The following CAP2 variants were observed in gnomAD, a reference collection of about 807,000 sequenced individuals.
The protein encoded by CAP2 is adenylyl cyclase-associated protein 2.
CAP2 carries 24 observed loss-of-function variants against 57.7 expected under a neutral mutation model. The observed-to-expected ratio is 0.42, with a 90% CI of 0.30 to 0.58. The LOEUF (loss-of-function observed/expected upper bound fraction) is 0.58, where lower values mean the gene tolerates loss of function less well. Ranked by LOEUF, CAP2 falls within the 20% of genes least tolerant of loss-of-function variation. CAP2 has a pLI of 0.22. For missense variants in CAP2, 501 were observed against 590.3 expected, an observed-to-expected ratio of 0.85 and a Z score of 1.57; for synonymous variants, 194 against 207.2, an observed-to-expected ratio of 0.94 and a Z score of 0.55.
rs949481891 is a variant in CAP2, at chr6:17,414,100, T to C, written c.-1-7455T>C. On this transcript the variant is annotated intron_variant, in intron 1 of 12. Transcript: ENST00000229922. ...AACAATCTAGGACAGTCTGATTTGATGGTAGTTTACCAAATATTTTAAATT... is the reference window on the plus strand; with the variant it reads ...AACAATCTAGGACAGTCTGATTTGACGGTAGTTTACCAAATATTTTAAATT... 3.9e-5 allele frequency among the ~76,000 whole-genome samples: 6 copies of C among 151,998 alleles called. No individual in the cohort carries two copies. In the South Asian group the frequency reaches 8.3e-4, roughly 21 times the overall value.
At chr6:17,509,716 G>A (rs941377285) in intron 6 of CAP2, among the ~76,000 whole-genome samples, 1 of 151,410 alleles carries the variant, frequency 6.6e-6, no homozygotes, top group Admixed American at 6.6e-5. Context: ...ACTCCTAGGT[G>A]TATTTCCAAA....
intron 1 of CAP2, among the ~76,000 whole-genome samples, chr6:17,399,363 T>C (rs1311910953): frequency 2.0e-5 from 3 of 152,142 alleles, no homozygotes; most frequent in Non-Finnish European, 4.4e-5. Context: ...ACGCCCGGCC[T>C]ACATGAGCTT....
At chr6:17,459,184 G>A (rs1760659726) in intron 3 of CAP2, among the ~76,000 whole-genome samples, 1 of 152,206 alleles carries the variant, frequency 6.6e-6, no homozygotes, top group Admixed American at 6.5e-5. Context: ...CCATCCGAAT[G>A]GCATGTGTTC....
At chr6:17,502,158 C>G (rs1031834963) in intron 4 of CAP2, among the ~76,000 whole-genome samples, 1 of 152,218 alleles carries the variant, frequency 6.6e-6, no homozygotes, top group African/African-American at 2.4e-5. Flanking sequence ...TAGATGAGCT[C>G]CTTCTTTAGT....
chr6:17,428,301 G>T (rs1042466453), intron 3 of CAP2, among the ~76,000 whole-genome samples: 6 of 152,144 alleles, frequency 3.9e-5, no homozygotes, highest in Admixed American at 3.9e-4. Flanking sequence ...TCCGGGGTTA[G>T]TCATTGTTTG....
At chr6:17,523,604 CAA>C (rs1021939428) in intron 7 of CAP2, among the ~76,000 whole-genome samples, 2 of 152,156 alleles carry the variant, frequency 1.3e-5, no homozygotes, top group African/African-American at 2.4e-5. Flanking sequence ...ATCAAGGAGA[CAA>C]GAGATAGGAG....
intron 3 of CAP2, among the ~76,000 whole-genome samples, chr6:17,447,658 C>T (rs973505993): frequency 6.6e-5 from 10 of 152,200 alleles, no homozygotes; most frequent in African/African-American, 2.2e-4. Flanking sequence ...GCCATCATGC[C>T]TGGCTAACTT....
chr6:17,454,554 A>G (rs1336439029), intron 3 of CAP2, among the ~76,000 whole-genome samples: 1 of 152,096 alleles, frequency 6.6e-6, no homozygotes, highest in Non-Finnish European at 1.5e-5. Context: ...TCCCATTATC[A>G]TGGCTGCCCT....
Position 17,539,470 on chromosome 6 carries a change from A to G in CAP2, c.826+12A>G, listed in dbSNP as rs1286167206. The stretch of plus-strand genomic sequence containing the variant: ...AGCAATTACAAAAGGTGAGAGAGAA[A>G]AGAAGACCTTGAAGCTGCCTCCCTT... On this transcript the variant is annotated intron_variant, in intron 8 of 12. Transcript: ENST00000229922. 6 of 1,608,270 alleles carry G rather than the reference A, an allele frequency of 3.7e-6. No homozygotes were observed. The highest frequency in any genetic ancestry group is 4.3e-6 in the Non-Finnish European group (5 of 1,175,528).
intron 4 of CAP2, among the ~76,000 whole-genome samples, chr6:17,497,568 C>T (rs1044765431): frequency 2.0e-5 from 3 of 152,146 alleles, no homozygotes; most frequent in African/African-American, 7.2e-5. Context: ...CGTTATTTGT[C>T]ATTGCCTAGT....
chr6:17,399,075 T>C (rs150500857), intron 1 of CAP2, among the ~76,000 whole-genome samples: 1,551 of 152,246 alleles, frequency 0.01, 11 homozygotes, highest in Non-Finnish European at 0.014. Context: ...GCTTTGTTTG[T>C]TTGTTTTTGA....
chr6:17,417,697 G>A (rs1759321794), intron 1 of CAP2, among the ~76,000 whole-genome samples: 1 of 152,082 alleles, frequency 6.6e-6, no homozygotes, highest in Non-Finnish European at 1.5e-5. Flanking sequence ...CCTTGCCATC[G>A]GCTTCTACTT....
chr6:17,472,771 A>C (rs753474137), intron 4 of CAP2, among the ~76,000 whole-genome samples: 1 of 152,220 alleles, frequency 6.6e-6, no homozygotes, highest in Non-Finnish European at 1.5e-5. Flanking sequence ...TTGAGTTGAC[A>C]GCCTGAAGCT....
chr6:17,495,550 CA>C (rs1761642676), intron 4 of CAP2, among the ~76,000 whole-genome samples: 1 of 152,050 alleles, frequency 6.6e-6, no homozygotes, highest in Admixed American at 6.6e-5. Context: ...GGGTCAATGT[CA>C]AAATCCAGGC....
intron 3 of CAP2, among the ~76,000 whole-genome samples, chr6:17,451,756 A>C (rs1760409878): frequency 6.6e-6 from 1 of 152,124 alleles, no homozygotes; most frequent in African/African-American, 2.4e-5. Flanking sequence ...GTGATCCACC[A>C]GCCTCAGCAT....
chr6:17,479,432 T>C (rs1761232950), intron 4 of CAP2, among the ~76,000 whole-genome samples: 1 of 151,948 alleles, frequency 6.6e-6, no homozygotes, highest in Non-Finnish European at 1.5e-5. Flanking sequence ...AAACTTCACT[T>C]CATTCCCATT....
At chr6:17,397,266 C>A (rs1221266327) in intron 1 of CAP2, among the ~76,000 whole-genome samples, 1 of 151,220 alleles carries the variant, frequency 6.6e-6, no homozygotes, top group African/African-American at 2.4e-5. Context: ...CACCATGTTG[C>A]CCAGGCTGGT....
chr6:17,514,902 G>A (rs1000792691), intron 7 of CAP2, among the ~76,000 whole-genome samples: 1 of 151,996 alleles, frequency 6.6e-6, no homozygotes, highest in South Asian at 2.1e-4. Context: ...TGATGTATAT[G>A]TTAAGAAATT....
chr6:17,545,392 T>G (rs1203645644), intron 11 of CAP2, among the ~76,000 whole-genome samples: 1 of 151,924 alleles, frequency 6.6e-6, no homozygotes, highest in Non-Finnish European at 1.5e-5. Context: ...AAGTATAAAA[T>G]GTGAAAATGG....
Sources: gnomAD v4.1 joint callset for allele counts (sites outside exome capture counted in the v4.1 genomes callset) on GRCh38, gnomAD v4.1.1 for gene constraint, MANE v1.5 for transcripts, NCBI Gene and HGNC (gene_info 2026-07-23, HGNC 2026-07-21) for gene names.